The following NPM1 variants were observed in gnomAD, a reference collection of about 807,000 sequenced individuals.
The protein encoded by NPM1 is nucleophosmin 1.
A neutral mutation model predicts 44.1 loss-of-function variants in NPM1; 1 was observed. The observed-to-expected ratio is 0.02, with a 90% CI of 0.01 to 0.11. The LOEUF is 0.11. NPM1 is among the 10% of genes least tolerant of loss of function. The pLI is 1.00. For synonymous variants in NPM1, 126 were observed against 111.8 expected (o/e 1.13, Z -0.80); for missense variants, 197 against 347.8 (o/e 0.57, Z 3.45).
chr5:171,390,220 G>A (rs770423878), intron 2 of NPM1, 90 bp downstream of exon 2: 3 of 676,252 alleles, frequency 4.4e-6, no homozygotes, highest in Non-Finnish European at 4.9e-6. Context: ...TTTTTCCTTT[G>A]CTGACTGCTT....
At chr5:171,400,330 A>AG (rs1771128558) in intron 7 of NPM1, 120 bp downstream of exon 7, 9 of 528,906 alleles carry the variant, frequency 1.7e-5, no homozygotes, top group Non-Finnish European at 2.3e-5. Flanking sequence ...CATACTGAAA[A>AG]TTAGTCCTGA....
chr5:171,410,489 G>A, intron 10 of NPM1, 38 bp from the exon 11 acceptor site: 1 of 1,372,648 alleles, frequency 7.3e-7, no homozygotes, highest in Non-Finnish European at 1.0e-6. Context: ...ATGAAGTGTT[G>A]TGGTTCCTTA....
Position 171,392,804 on chromosome 5 carries a change from C to G in NPM1, c.447C>G (p.Ser149Arg). The change falls in exon 5 of 11, where the codon AGC becomes AGG. Residue 149 changes from serine to arginine, a missense_variant. This residue lies in a region of NPM1 where 91 missense variants were observed against 94.0 expected (regional missense o/e 0.97). Transcript: ENST00000296930. The stretch of plus-strand genomic sequence containing the variant: ...AGCGGTCTGCCCCTGGAGGTGGTAG[C>G]AAGGTTCCACAGGTAGAGATGGCAA... ...SGKRSAPGGG[S>R]KVPQKKVKLA... 3 of 1,613,620 alleles carry G rather than the reference C, an allele frequency of 1.9e-6. No homozygotes were observed. Among genetic ancestry groups the G allele is most frequent in the Non-Finnish European group, 2.5e-6 (3 of 1,179,684 alleles).
intron 9 of NPM1, 25 bp from the exon 10 acceptor site, chr5:171,407,675 T>A: frequency 7.2e-7 from 1 of 1,382,520 alleles, no homozygotes; most frequent in Non-Finnish European, 1.0e-6. Context: ...TCTACTTACC[T>A]GTAATAATGC....
rs1771159875 is a variant in NPM1, at chr5:171,400,852, C to T, written c.596C>T (p.Thr199Ile). Residue 199 changes from threonine (T) to isoleucine (I), a missense_variant, in exon 8 of 11, where the codon ACT (threonine) becomes ATT (isoleucine). Thr to Ile is a moderately conservative substitution (Grantham distance 89). Transcript: ENST00000296930. ...KAPVKKSIRD[T>I]PAKNAQKSNQ... Reference sequence around the variant, plus strand: ...TTCTAATTGCAGTCTATACGAGATACTCCAGCCAAAAATGCACAAAAGTCA... The same window carrying T: ...TTCTAATTGCAGTCTATACGAGATATTCCAGCCAAAAATGCACAAAAGTCA... 2 of 1,608,696 alleles carry T rather than the reference C, an allele frequency of 1.2e-6. No homozygotes were observed. Among genetic ancestry groups the T allele is most frequent in the East Asian group, 2.2e-5 (1 of 44,840 alleles).
chr5:171,399,140 G>A (rs1179499726), intron 6 of NPM1, among the ~76,000 whole-genome samples: 1 of 152,214 alleles, frequency 6.6e-6, no homozygotes, highest in East Asian at 1.9e-4. Context: ...CGTGAGCCAC[G>A]GTGCCTTGGC....
At chr5:171,395,983 A>G (rs1318743861) in intron 6 of NPM1, among the ~76,000 whole-genome samples, 9 of 118,968 alleles carry the variant, frequency 7.6e-5, no homozygotes, top group Admixed American at 5.4e-4. Flanking sequence ...TTTTTTTTGG[A>G]GACAGTCTCT....
intron 6 of NPM1, among the ~76,000 whole-genome samples, chr5:171,395,994 G>T (rs908546296): frequency 3.6e-5 from 5 of 138,782 alleles, no homozygotes; most frequent in African/African-American, 8.1e-5. Context: ...GACAGTCTCT[G>T]TTGCCCCGGC....
chr5:171,409,868 C>T (rs1320080949), intron 10 of NPM1, among the ~76,000 whole-genome samples: 3 of 150,414 alleles, frequency 2.0e-5, no homozygotes, highest in African/African-American at 7.4e-5. Flanking sequence ...GATCTTGGCT[C>T]ACTGCAACCT....
At chr5:171,389,893 T>A (rs981271922) in intron 1 of NPM1, among the ~76,000 whole-genome samples, 158 bp from the exon 2 acceptor site, 9 of 152,216 alleles carry the variant, frequency 5.9e-5, no homozygotes, top group Non-Finnish European at 7.3e-5. Context: ...GAGGTTTCTG[T>A]TCAAGAAATC....
chr5:171,392,762 C>G lies in NPM1; in HGVS notation c.405C>G (p.Leu135=), dbSNP rs754590863. The part of the protein sequence containing the change: ...SEDEEEEDVK[L]LSISGKRSAP... ...ATGAAGAGGAGGAGGATGTGAAACT[C>G]TTAAGTATATCTGGAAAGCGGTCTG... Residue 135 remains leucine, a synonymous_variant, in exon 5 of 11, where the codon CTC becomes CTG. Transcript: ENST00000296930. 1 of 1,613,802 alleles carries G rather than the reference C, an allele frequency of 6.2e-7. No homozygotes were observed. Among genetic ancestry groups the G allele is most frequent in the Admixed American group, 1.7e-5 (1 of 59,978 alleles).
chr5:171,392,604 AAATAG>A (rs947011123), intron 4 of NPM1, 101 bp from the exon 5 acceptor site: 53 of 466,232 alleles, frequency 1.1e-4, no homozygotes, highest in South Asian at 2.1e-4. Context: ...TTTTTTTTTT[AAATAG>A]AATAGAAGTC....
intron 4 of NPM1, 70 bp from the exon 5 acceptor site, chr5:171,392,640 T>C: frequency 1.1e-6 from 1 of 919,262 alleles, no homozygotes; most frequent in Non-Finnish European, 1.7e-6. Context: ...GAGTATTTAC[T>C]ATCAGTGTTC....
At chr5:171,389,860 A>C (rs552046957) in intron 1 of NPM1, among the ~76,000 whole-genome samples, 191 bp from the exon 2 acceptor site, 2 of 152,328 alleles carry the variant, frequency 1.3e-5, no homozygotes, top group South Asian at 4.1e-4. Context: ...GAATGGAATT[A>C]TAGTCTTTTA....
chr5:171,410,343 T>C (rs1771760989), intron 10 of NPM1, among the ~76,000 whole-genome samples, 184 bp from the exon 11 acceptor site: 1 of 152,216 alleles, frequency 6.6e-6, no homozygotes, highest in South Asian at 2.1e-4. Context: ...TATGACTGAT[T>C]AAAGTGTTTG....
intron 8 of NPM1, among the ~76,000 whole-genome samples, chr5:171,404,718 A>G (rs1771469572): frequency 1.4e-5 from 2 of 143,676 alleles, no homozygotes; most frequent in African/African-American, 5.2e-5. Flanking sequence ...GACACTCCTC[A>G]CTTCCCAGAC....
intron 4 of NPM1, among the ~76,000 whole-genome samples, chr5:171,392,394 T>G (rs1770622707): frequency 6.6e-6 from 1 of 152,114 alleles, no homozygotes; most frequent in Non-Finnish European, 1.5e-5. Context: ...GCTAATTTTT[T>G]TTGTATATGT....
intron 10 of NPM1, among the ~76,000 whole-genome samples, chr5:171,408,726 A>T (rs1438294159): frequency 6.6e-6 from 1 of 152,234 alleles, no homozygotes; most frequent in South Asian, 2.1e-4. Context: ...AATACTAAAC[A>T]TTGATTAATC....
chr5:171,393,564 A>G (rs1253291644), intron 6 of NPM1, among the ~76,000 whole-genome samples: 2 of 152,216 alleles, frequency 1.3e-5, no homozygotes, highest in African/African-American at 2.4e-5. Context: ...TAATACGCAC[A>G]CTGGTATAAA....
Sources: allele counts gnomAD v4.1 joint callset (sites outside exome capture counted in the v4.1 genomes callset), GRCh38; gene constraint gnomAD v4.1.1; regional missense constraint gnomAD v4.1.1; transcripts MANE v1.5; gene names NCBI Gene and HGNC (gene_info 2026-07-23, HGNC 2026-07-21).